Variants in ALDH1L1 observed in about 807,000 individuals in gnomAD.
The protein encoded by ALDH1L1 is cytosolic 10-formyltetrahydrofolate dehydrogenase.
ALDH1L1 carries 68 observed loss-of-function variants against 101.1 expected under a neutral mutation model. The observed-to-expected ratio is 0.67, with a 90% CI of 0.55 to 0.82. The LOEUF is 0.82. ALDH1L1 is among the 40% of genes least tolerant of loss of function. The pLI, the probability that ALDH1L1 is intolerant of heterozygous loss-of-function variation, is 0.00. For missense variants in ALDH1L1, 1,087 were observed against 1,172.7 expected, an observed-to-expected ratio of 0.93 and a Z score of 1.07; for synonymous variants, 486 against 470.8, an observed-to-expected ratio of 1.03 and a Z score of -0.42.
intron 9 of ALDH1L1, among the ~76,000 whole-genome samples, chr3:126,146,557 T>A (rs1047754478): frequency 2.6e-4 from 39 of 152,192 alleles, no homozygotes; most frequent in African/African-American, 8.9e-4. Flanking sequence ...AACTCAGTAC[T>A]GTTCTTCTGA....
chr3:126,120,516 A>G (rs1447820281), intron 16 of ALDH1L1, among the ~76,000 whole-genome samples: 1 of 152,222 alleles, frequency 6.6e-6, no homozygotes, highest in East Asian at 1.9e-4. Flanking sequence ...TCTGTGTTAC[A>G]CTCTAATGGT....
intron 16 of ALDH1L1, among the ~76,000 whole-genome samples, chr3:126,118,684 C>G (rs971461530): frequency 1.3e-5 from 2 of 152,148 alleles, no homozygotes; most frequent in African/African-American, 4.8e-5. Context: ...GGGCACCAAA[C>G]CTTCAGCTCT....
Position 126,107,161 on chromosome 3 carries a change from G to A in ALDH1L1, c.2433C>T (p.Ile811=), listed in dbSNP as rs772215450. ...AKEESFGPVM[I]ISRFADGDLD... ...CCTACCCATCAGCAAACCGAGAGAT[G>A]ATCATGACAGGCCCGAAGGACTCCT... Residue 811 remains isoleucine, a synonymous_variant, in exon 21 of 23, where the codon ATC becomes ATT. Transcript: ENST00000393434. The A allele has an allele frequency of 6.2e-7, 1 of 1,614,148 alleles. No homozygotes were observed. The highest frequency in any genetic ancestry group is 8.5e-7 in the Non-Finnish European group (1 of 1,179,986).
At position 126,172,920 on chromosome 3, in the gene ALDH1L1, C is replaced by T. The variant is rs922786045; in HGVS notation, c.-24+7556G>A. On this transcript the variant is annotated intron_variant, in intron 1 of 22. Transcript: ENST00000393434. ...TTACATCAAACGTCTCTTCATAAAC[C>T]ATGCAATCAGGAATAGAATAGAAAG... 7.9e-5 allele frequency among the ~76,000 whole-genome samples: 12 copies of T among 152,158 alleles called. No individual in the cohort carries two copies. The South Asian group carries it at 2.3e-3, about 29-fold the overall frequency.
chr3:126,159,984 C>A (rs1283252237), intron 2 of ALDH1L1, among the ~76,000 whole-genome samples: 1 of 152,286 alleles, frequency 6.6e-6, no homozygotes, highest in African/African-American at 2.4e-5. Flanking sequence ...TAAGCCCTGC[C>A]CCACAGTCTG....
upstream of ALDH1L1, chr3:126,180,669 G>T: frequency 3.0e-6 from 4 of 1,350,658 alleles, no homozygotes; most frequent in South Asian, 6.9e-5. Flanking sequence ...GCCGAGTGGG[G>T]GCGGCGCTCA....
intron 17 of ALDH1L1, among the ~76,000 whole-genome samples, chr3:126,116,305 T>G (rs1432719121): frequency 6.6e-6 from 1 of 151,896 alleles, no homozygotes; most frequent in African/African-American, 2.4e-5. Flanking sequence ...GTGCAGTGCG[T>G]GATCTCGGCT....
intron 5 of ALDH1L1, among the ~76,000 whole-genome samples, chr3:126,154,892 A>C (rs1167142023): frequency 6.6e-6 from 1 of 152,178 alleles, no homozygotes; most frequent in Non-Finnish European, 1.5e-5. Context: ...AAGATGGCCC[A>C]GACCCTACAC....
At chr3:126,158,867 A>G (rs2080976229) in intron 2 of ALDH1L1, among the ~76,000 whole-genome samples, 1 of 152,120 alleles carries the variant, frequency 6.6e-6, no homozygotes, top group South Asian at 2.1e-4. Context: ...AGGACCTCTG[A>G]GTGCCTCCCT....
chr3:126,183,972 T>G (rs973306143), upstream of ALDH1L1, among the ~76,000 whole-genome samples: 1 of 152,174 alleles, frequency 6.6e-6, no homozygotes, highest in Non-Finnish European at 1.5e-5. Flanking sequence ...TGGACTGTGG[T>G]CATTTTAAAA....
intron 8 of ALDH1L1, among the ~76,000 whole-genome samples, chr3:126,147,646 G>A (rs1355695901): frequency 6.6e-6 from 1 of 152,188 alleles, no homozygotes; most frequent in African/African-American, 2.4e-5. Flanking sequence ...AGGGGCCCCA[G>A]CAATATCAGG....
chr3:126,172,114 C>A lies in ALDH1L1; in HGVS notation c.-24+8362G>T, dbSNP rs115030134. On this transcript the variant is annotated intron_variant, in intron 1 of 22. Coordinates refer to ENST00000393434, the MANE Select transcript of ALDH1L1 (RefSeq NM_012190.4). ...ACTCCTAGACAGGTAAATATCAAAC[C>A]TCACACTAAAAGCCTATCTACCTCA... Among the ~76,000 whole-genome samples the A allele has an allele frequency of 8.4e-3, 1,285 of 152,256 alleles. 12 individuals carry two copies. The highest frequency in any genetic ancestry group is 0.03 in the African/African-American group (1,237 of 41,540).
chr3:126,154,334 G>A (rs2080864102), intron 6 of ALDH1L1, among the ~76,000 whole-genome samples: 1 of 152,216 alleles, frequency 6.6e-6, no homozygotes, highest in East Asian at 1.9e-4. Flanking sequence ...AGGGCCTGGA[G>A]GCCTCCAGCT....
intron 17 of ALDH1L1, among the ~76,000 whole-genome samples, chr3:126,115,953 A>G (rs1576418483): frequency 6.7e-6 from 1 of 148,378 alleles, no homozygotes; most frequent in Admixed American, 6.7e-5. Context: ...GCTTACTGTA[A>G]CCTCCGCCTT....
intron 19 of ALDH1L1, among the ~76,000 whole-genome samples, chr3:126,112,456 C>G (rs1026887749): frequency 6.6e-6 from 1 of 152,226 alleles, no homozygotes; most frequent in Non-Finnish European, 1.5e-5. Flanking sequence ...CTTCTCTTTC[C>G]AGGCTTCACC....
upstream of ALDH1L1, among the ~76,000 whole-genome samples, chr3:126,186,058 A>C (rs2081515811): frequency 6.6e-6 from 1 of 152,130 alleles, no homozygotes. Flanking sequence ...GTTCATGTTT[A>C]ATGGGGACAG....
chr3:126,111,206 TG>T (rs1461119450), intron 19 of ALDH1L1, among the ~76,000 whole-genome samples: 1 of 152,256 alleles, frequency 6.6e-6, no homozygotes, highest in Non-Finnish European at 1.5e-5. Flanking sequence ...TGGTAGAGTC[TG>T]TTTCCTCACC....
chr3:126,148,236 A>G (rs960877905), intron 8 of ALDH1L1, among the ~76,000 whole-genome samples: 1 of 152,352 alleles, frequency 6.6e-6, no homozygotes. Flanking sequence ...CAGTGCTGAC[A>G]GCAGCTGTGT....
intron 22 of ALDH1L1, chr3:126,104,183 T>G (rs1945778542): frequency 8.4e-6 from 3 of 358,204 alleles, no homozygotes; most frequent in African/African-American, 2.1e-5. Flanking sequence ...GGCCCATCTC[T>G]TCTCTCATGG....
Sources: gnomAD v4.1 joint callset for allele counts (sites outside exome capture counted in the v4.1 genomes callset) on GRCh38, gnomAD v4.1.1 for gene constraint, MANE v1.5 for transcripts, NCBI Gene and HGNC (gene_info 2026-07-23, HGNC 2026-07-21) for gene names.